Variants in ZNF83 observed in about 807,000 individuals in gnomAD.
ZNF83 encodes the protein zinc finger protein 816B.
For synonymous variants in ZNF83, 209 were observed against 213.0 expected (o/e 0.98, Z 0.17); for missense variants, 552 against 629.9 (o/e 0.88, Z 1.32).
chr19:52,634,698 G>A (rs2061086830), intron 2 of ZNF83, among the ~76,000 whole-genome samples: 1 of 152,122 alleles, frequency 6.6e-6, no homozygotes, highest in African/African-American at 2.4e-5. Flanking sequence ...ATTAATACGT[G>A]ACTTCCATTG....
At chr19:52,647,360 G>A (rs2061385174) in intron 3 of ZNF83, among the ~76,000 whole-genome samples, 1 of 152,100 alleles carries the variant, frequency 6.6e-6, no homozygotes, top group Non-Finnish European at 1.5e-5. Flanking sequence ...GATGTCACAA[G>A]TAATCATATC....
chr19:52,662,668 G>A (rs1212712507), intron 1 of ZNF83, among the ~76,000 whole-genome samples: 3 of 152,032 alleles, frequency 2.0e-5, no homozygotes, highest in African/African-American at 4.8e-5. Flanking sequence ...AATCATTTCA[G>A]GGGTCAGTGT....
chr19:52,687,600 TA>T (rs2062059276), intron 1 of ZNF83, among the ~76,000 whole-genome samples: 1 of 23,466 alleles, frequency 4.3e-5, no homozygotes, highest in African/African-American at 5.9e-4. Flanking sequence ...ATATATAATG[TA>T]TATATATATA....
intron 3 of ZNF83, among the ~76,000 whole-genome samples, chr19:52,653,691 A>AG (rs1208758729): frequency 2.0e-5 from 3 of 151,972 alleles, no homozygotes; most frequent in Admixed American, 6.5e-5. Flanking sequence ...GGCGTGTAAG[A>AG]GATGACTTGT....
intron 2 of ZNF83, among the ~76,000 whole-genome samples, chr19:52,620,296 A>G (rs55765048): frequency 0.3 from 32,383 of 108,096 alleles, 4,146 homozygotes; most frequent in East Asian, 0.56. Flanking sequence ...GTGTGTGTAT[A>G]TATAGTTTCC....
At chr19:52,645,808 C>A (rs1425540488) in intron 3 of ZNF83, among the ~76,000 whole-genome samples, 1 of 149,136 alleles carries the variant, frequency 6.7e-6, no homozygotes. Context: ...TTCTGCCCCC[C>A]CCCAAAAAAA....
At chr19:52,632,433 A>T (rs978308305) in intron 2 of ZNF83, among the ~76,000 whole-genome samples, 1 of 152,190 alleles carries the variant, frequency 6.6e-6, no homozygotes, top group Non-Finnish European at 1.5e-5. Context: ...CCCCAGTCTC[A>T]TTCCAGACAC....
At chr19:52,646,804 G>A (rs2061377969) in intron 3 of ZNF83, among the ~76,000 whole-genome samples, 1 of 152,178 alleles carries the variant, frequency 6.6e-6, no homozygotes, top group Non-Finnish European at 1.5e-5. Context: ...ATGTCTGCAT[G>A]TCTGTATTTA....
chr19:52,681,741 T>C (rs1329132815), intron 1 of ZNF83, among the ~76,000 whole-genome samples: 1 of 152,212 alleles, frequency 6.6e-6, no homozygotes, highest in Non-Finnish European at 1.5e-5. Flanking sequence ...GACACAGGTT[T>C]ATCTAATGGA....
chr19:52,680,915 A>T (rs1035776699), intron 1 of ZNF83, among the ~76,000 whole-genome samples: 17 of 151,582 alleles, frequency 1.1e-4, no homozygotes, highest in Non-Finnish European at 2.2e-4. Context: ...CCCGGCCTCC[A>T]CAAAATATTT....
At chr19:52,622,105 C>T (rs2060571530) in intron 2 of ZNF83, among the ~76,000 whole-genome samples, 1 of 152,044 alleles carries the variant, frequency 6.6e-6, no homozygotes, top group Non-Finnish European at 1.5e-5. Context: ...TCAGCCTCCA[C>T]TCCCCCACCC....
chr19:52,677,502 A>ATGAACACTAAAATATAGGGATTTCATTC (rs1568580378), intron 1 of ZNF83, among the ~76,000 whole-genome samples: 7 of 151,814 alleles, frequency 4.6e-5, no homozygotes, highest in African/African-American at 1.7e-4. Context: ...AAAAAAAGAA[A>ATGAACACTAAAATATAGGGATTTCATTC]AAGAGATCCA....
chr19:52,675,613 A>T (rs2061789540), intron 1 of ZNF83, among the ~76,000 whole-genome samples: 1 of 152,142 alleles, frequency 6.6e-6, no homozygotes, highest in Admixed American at 6.6e-5. Context: ...TCACGGGGAA[A>T]TTGGGGTGTT....
chr19:52,671,249 A>G (rs1240148535), intron 1 of ZNF83, among the ~76,000 whole-genome samples: 1 of 152,182 alleles, frequency 6.6e-6, no homozygotes, highest in Non-Finnish European at 1.5e-5. Context: ...GGACAAGATA[A>G]AAAAATCAGA....
At chr19:52,633,208 C>G (rs1055448793) in intron 2 of ZNF83, among the ~76,000 whole-genome samples, 2 of 151,938 alleles carry the variant, frequency 1.3e-5, no homozygotes, top group African/African-American at 4.8e-5. Context: ...CTTGTGGCCC[C>G]CACCCCTGCC....
At chr19:52,632,756 T>C (rs945258905) in intron 2 of ZNF83, among the ~76,000 whole-genome samples, 2 of 152,218 alleles carry the variant, frequency 1.3e-5, no homozygotes, top group African/African-American at 4.8e-5. Flanking sequence ...TCTCCTTCTC[T>C]TATTCCGTTT....
intron 2 of ZNF83, among the ~76,000 whole-genome samples, chr19:52,615,059 A>C (rs2060256824): frequency 6.6e-6 from 1 of 152,186 alleles, no homozygotes; most frequent in Non-Finnish European, 1.5e-5. Context: ...ACATTGCAAA[A>C]ATTTAGGTTA....
Position 52,632,378 on chromosome 19 carries a change from C to G in ZNF83, c.-234+2688G>C, listed in dbSNP as rs2061001032. Among the ~76,000 whole-genome samples, 5 of 152,328 alleles carry G rather than the reference C, an allele frequency of 3.3e-5. No homozygotes were observed. In the South Asian group the frequency reaches 1.0e-3, roughly 32 times the overall value. On this transcript the variant is annotated intron_variant, in intron 2 of 2. Transcript: ENST00000301096. ...GCTTCTCAGAATTCAGGCCTGTCCT[C>G]AGAATGCTACAAGGTACAGCCCATT...
At chr19:52,633,461 C>A (rs934502860) in intron 2 of ZNF83, among the ~76,000 whole-genome samples, 2 of 140,820 alleles carry the variant, frequency 1.4e-5, no homozygotes, top group Non-Finnish European at 3.1e-5. Context: ...CAAAAATACA[C>A]GTGTACGAGA....
Sources: gnomAD v4.1 joint callset for allele counts (sites outside exome capture counted in the v4.1 genomes callset) on GRCh38, gnomAD v4.1.1 for gene constraint, MANE v1.5 for transcripts, NCBI Gene and HGNC (gene_info 2026-07-23, HGNC 2026-07-21) for gene names.